The following TRIM33 variants were observed in gnomAD, a reference collection of about 807,000 sequenced individuals.
TRIM33 encodes E3 ubiquitin-protein ligase TRIM33.
Under a neutral mutation model 125.4 loss-of-function variants are expected in TRIM33, and 20 were observed. That is an observed-to-expected ratio of 0.16 (90% CI 0.11 to 0.23). The LOEUF (loss-of-function observed/expected upper bound fraction) is 0.23, where lower values mean the gene tolerates loss of function less well. Ranked by LOEUF, TRIM33 falls within the 10% of genes least tolerant of loss-of-function variation. The pLI, the probability that TRIM33 is intolerant of heterozygous loss-of-function variation, is 1.00. For synonymous variants in TRIM33, 564 were observed against 513.9 expected (o/e 1.10, Z -1.32); for missense variants, 920 against 1,411.4 (o/e 0.65, Z 5.58).
intron 4 of TRIM33, among the ~76,000 whole-genome samples, chr1:114,460,616 G>A (rs917030054): frequency 3.6e-5 from 5 of 137,078 alleles, no homozygotes; most frequent in Non-Finnish European, 6.1e-5. Flanking sequence ...CCTCTCCTAC[G>A]GTGCTGATGT....
At chr1:114,470,930 T>A (rs114585510) in intron 1 of TRIM33, among the ~76,000 whole-genome samples, 1 of 152,152 alleles carries the variant, frequency 6.6e-6, no homozygotes, top group African/African-American at 2.4e-5. Context: ...TCCCATGCAG[T>A]GGGGACCACA....
At chr1:114,407,190 G>C in intron 13 of TRIM33, 90 bp from the exon 14 acceptor site, 1 of 1,088,598 alleles carries the variant, frequency 9.2e-7, no homozygotes, top group Non-Finnish European at 1.3e-6. Context: ...TCACTAAAGT[G>C]AAGACAATAG....
At chr1:114,490,758 T>C (rs1221468602) in intron 1 of TRIM33, 1 of 152,166 alleles carries the variant, frequency 6.6e-6, no homozygotes, top group Non-Finnish European at 1.5e-5. Context: ...TCTCAACAGA[T>C]TGTTCAGTCA....
In TRIM33 at chr1:114,510,736, G is replaced by A; in HGVS notation, c.341C>T (p.Pro114Leu). 6.5e-7 allele frequency: 1 copy of A among 1,528,850 alleles called. No homozygotes were observed. Among genetic ancestry groups the A allele is most frequent in the Non-Finnish European group, 8.8e-7 (1 of 1,142,572 alleles). The allele number at this position is 1,528,850 out of a possible 1,614,324, so 94.7% of individuals were successfully genotyped here. ...APAPGPSAGP[P>L]PGPPASLLDT... ...CAGGAGCGAGGCTGGCGGTCCAGGA[G>A]GCGGCCCTGCCGAGGGACCCGGAGC... The change falls in exon 1 of 20, where the codon CCT (proline) becomes CTT (leucine). Residue 114 changes from proline (P) to leucine (L), a missense_variant. By Grantham distance (98) the Pro-to-Leu change is moderately conservative (BLOSUM62 -3). This residue lies in a region of TRIM33 where 233 missense variants were observed against 189.6 expected (regional missense o/e 1.23). Coordinates refer to ENST00000358465, the MANE Select transcript of TRIM33 (RefSeq NM_015906.4).
chr1:114,475,150 G>A (rs1650902270), intron 1 of TRIM33, among the ~76,000 whole-genome samples: 1 of 152,084 alleles, frequency 6.6e-6, no homozygotes, highest in Non-Finnish European at 1.5e-5. Context: ...CAAAACAAAA[G>A]AGAGGCTCAC....
At chr1:114,506,185 C>T (rs1013706005) in intron 1 of TRIM33, among the ~76,000 whole-genome samples, 3 of 151,832 alleles carry the variant, frequency 2.0e-5, no homozygotes, top group African/African-American at 7.3e-5. Flanking sequence ...AGTTCGAGAC[C>T]AGCCTAGCCT....
intron 4 of TRIM33, among the ~76,000 whole-genome samples, chr1:114,442,898 T>C (rs1648741535): frequency 6.6e-6 from 1 of 151,942 alleles, no homozygotes; most frequent in Non-Finnish European, 1.5e-5. Context: ...TAGCCTGGAA[T>C]AGGAATGAGG....
At chr1:114,487,030 T>C (rs1370729349) in intron 1 of TRIM33, among the ~76,000 whole-genome samples, 1 of 148,986 alleles carries the variant, frequency 6.7e-6, no homozygotes. Context: ...GAGACTGCAG[T>C]GAGCCAAGAT....
At position 114,511,151 on chromosome 1, in the gene TRIM33, C is replaced by A. The variant is rs1485787984; in HGVS notation, c.-75G>T. 5 of 1,060,882 alleles carry A rather than the reference C, an allele frequency of 4.7e-6. No homozygotes were observed. Among genetic ancestry groups the A allele is most frequent in the Non-Finnish European group, 5.7e-6 (5 of 880,038 alleles). The allele number at this position is 1,060,882 out of a possible 1,614,324, so 65.7% of individuals were successfully genotyped here. A position where few individuals can be genotyped will look rare whatever the true frequency, so the allele number is the denominator to read the frequency against. On this transcript the variant is annotated 5_prime_UTR_variant, in exon 1 of 20. Transcript: ENST00000358465. ...GTCGCCGCCGCCGCCGCCCCCAGCC[C>A]CAGCCGCAGCCGCAGCAAGAGCGGC...
intron 11 of TRIM33, 92 bp from the exon 12 acceptor site, chr1:114,410,408 A>ATCTGTTAGTTT: frequency 3.9e-6 from 5 of 1,294,370 alleles, no homozygotes; most frequent in Non-Finnish European, 5.3e-6. Context: ...TTTATTAATA[A>ATCTGTTAGTTT]ACTAACAGAT....
chr1:114,398,501 A>T (rs1035027582), intron 18 of TRIM33, among the ~76,000 whole-genome samples: 2 of 152,202 alleles, frequency 1.3e-5, no homozygotes, highest in Non-Finnish European at 2.9e-5. Context: ...GGGACTAAAT[A>T]TAACTTCAAA....
intron 1 of TRIM33, among the ~76,000 whole-genome samples, chr1:114,491,319 G>A (rs1041155977): frequency 1.3e-5 from 2 of 152,104 alleles, no homozygotes; most frequent in African/African-American, 2.4e-5. Flanking sequence ...ACCTAGGGTC[G>A]ATTCTCATCA....
chr1:114,409,463 T>C (rs1652446195), intron 12 of TRIM33, among the ~76,000 whole-genome samples: 2 of 152,228 alleles, frequency 1.3e-5, no homozygotes, highest in African/African-American at 2.4e-5. Context: ...AATTTTTCAA[T>C]GTTTCATTAT....
chr1:114,485,252 T>C (rs1405478880), intron 1 of TRIM33, among the ~76,000 whole-genome samples: 1 of 151,094 alleles, frequency 6.6e-6, no homozygotes, highest in East Asian at 1.9e-4. Context: ...GGATCTTAAA[T>C]AAAGGCGACT....
intron 1 of TRIM33, among the ~76,000 whole-genome samples, chr1:114,496,000 A>T (rs1652346697): frequency 6.6e-6 from 1 of 152,230 alleles, no homozygotes; most frequent in Non-Finnish European, 1.5e-5. Context: ...TATATGCCTC[A>T]CAACAAATGA....
intron 1 of TRIM33, among the ~76,000 whole-genome samples, chr1:114,491,962 G>C (rs76932691): frequency 0.015 from 2,321 of 152,224 alleles, 49 homozygotes; most frequent in African/African-American, 0.048. Context: ...GGGCACTTCA[G>C]CTTTATTACA....
chr1:114,403,626 C>T (rs932688301), intron 15 of TRIM33, among the ~76,000 whole-genome samples: 1 of 152,122 alleles, frequency 6.6e-6, no homozygotes, highest in Admixed American at 6.5e-5. Context: ...CAACCTCTGC[C>T]TCCCGGGTTC....
intron 4 of TRIM33, among the ~76,000 whole-genome samples, chr1:114,445,397 C>T (rs1648916138): frequency 6.6e-6 from 1 of 152,118 alleles, no homozygotes; most frequent in African/African-American, 2.4e-5. Context: ...ACTGCCATGC[C>T]TGGCTAATTT....
intron 18 of TRIM33, among the ~76,000 whole-genome samples, chr1:114,398,304 C>A (rs780469117): frequency 6.6e-6 from 1 of 152,240 alleles, no homozygotes; most frequent in East Asian, 1.9e-4. Flanking sequence ...ATACAAGAAA[C>A]GTTGCTTTAA....
Sources: allele counts gnomAD v4.1 joint callset (sites outside exome capture counted in the v4.1 genomes callset), GRCh38; gene constraint gnomAD v4.1.1; regional missense constraint gnomAD v4.1.1; transcripts MANE v1.5; gene names NCBI Gene and HGNC (gene_info 2026-07-23, HGNC 2026-07-21).